MOB3B: variants seen among roughly 807,000 people sequenced by gnomAD.
MOB3B encodes the protein MOB kinase activator-like 2B.
MOB3B carries 7 observed loss-of-function variants against 18.7 expected under a neutral mutation model. That is an observed-to-expected ratio of 0.37 (90% CI 0.21 to 0.70). The LOEUF (loss-of-function observed/expected upper bound fraction) is 0.70. Ranked by LOEUF, MOB3B falls within the 30% of genes least tolerant of loss-of-function variation. The pLI is 0.52. For missense variants in MOB3B, 253 were observed against 281.3 expected (o/e 0.90, Z 0.72); for synonymous variants, 111 against 99.9 (o/e 1.11, Z -0.66).
intron 2 of MOB3B, among the ~76,000 whole-genome samples, chr9:27,381,881 A>G (rs982650751): frequency 6.6e-6 from 1 of 152,178 alleles, no homozygotes; most frequent in Non-Finnish European, 1.5e-5. Context: ...ACGGGGTTCA[A>G]GCAATCCTCC....
chr9:27,516,614 A>C (rs968002346), intron 1 of MOB3B, among the ~76,000 whole-genome samples: 1 of 152,186 alleles, frequency 6.6e-6, no homozygotes, highest in African/African-American at 2.4e-5. Context: ...ACAAACAAAC[A>C]AACAAAACGA....
chr9:27,387,946 C>T (rs1809469665), intron 2 of MOB3B, among the ~76,000 whole-genome samples: 1 of 151,788 alleles, frequency 6.6e-6, no homozygotes, highest in Non-Finnish European at 1.5e-5. Context: ...GATTTTGCCC[C>T]CCACAGGCAA....
intron 2 of MOB3B, among the ~76,000 whole-genome samples, chr9:27,412,214 C>T (rs1329023283): frequency 6.6e-6 from 1 of 150,856 alleles, no homozygotes; most frequent in Non-Finnish European, 1.5e-5. Context: ...AAGATAAAAT[C>T]AAGGAGAGGC....
chr9:27,410,841 T>G (rs1034040343), intron 2 of MOB3B, among the ~76,000 whole-genome samples: 3 of 152,210 alleles, frequency 2.0e-5, no homozygotes, highest in African/African-American at 7.2e-5. Flanking sequence ...GAATTATCTT[T>G]CTCTCTATAT....
intron 1 of MOB3B, among the ~76,000 whole-genome samples, chr9:27,486,386 A>G (rs1029515014): frequency 1.6e-4 from 24 of 152,232 alleles, no homozygotes; most frequent in African/African-American, 4.3e-4. Flanking sequence ...AGAAATCCAA[A>G]CAATTAATAG....
chr9:27,326,220 G>A lies in MOB3B; in HGVS notation c.*4367C>T, dbSNP rs959520325. The stretch of plus-strand genomic sequence containing the variant: ...TCACAGCCATAACAGAGAGTGATGT[G>A]GAGAGCTTTGGGAAGGTTTCACGTT... On this transcript the variant is annotated 3_prime_UTR_variant, in exon 4 of 4. Coordinates refer to ENST00000262244, the MANE Select transcript of MOB3B (RefSeq NM_024761.5). 2.7e-6 allele frequency: 1 copy of A among 369,774 alleles called. No individual in the cohort carries two copies. Among genetic ancestry groups the A allele is most frequent in the African/African-American group, 2.1e-5 (1 of 48,098 alleles). The allele number at this position is 369,774 out of a possible 1,614,324, so 22.9% of individuals were successfully genotyped here.
At position 27,385,290 on chromosome 9, in the gene MOB3B, G is replaced by T. The variant is rs201687518; in HGVS notation, c.419-26054C>A. Among the ~76,000 whole-genome samples the T allele has an allele frequency of 5.9e-5, 9 of 152,140 alleles. No individual in the cohort carries two copies. The East Asian group carries it at 1.7e-3, about 29-fold the overall frequency. Reference sequence around the variant, plus strand: ...ACAACAGTGATTCTTTTTTGCCAAGGCATATCAACCTGATCAACAATTTAT... The same window carrying T: ...ACAACAGTGATTCTTTTTTGCCAAGTCATATCAACCTGATCAACAATTTAT... On this transcript the variant is annotated intron_variant, in intron 2 of 3. Transcript: ENST00000262244.
At chr9:27,477,341 G>C (rs1377771878) in intron 1 of MOB3B, among the ~76,000 whole-genome samples, 1 of 152,194 alleles carries the variant, frequency 6.6e-6, no homozygotes, top group East Asian at 1.9e-4. Context: ...TGTGCTCAAA[G>C]GTCACTCCTC....
intron 2 of MOB3B, among the ~76,000 whole-genome samples, chr9:27,374,174 A>C (rs542735245): frequency 2.0e-4 from 30 of 151,798 alleles, no homozygotes; most frequent in Admixed American, 1.6e-3. Flanking sequence ...CAATTCATGA[A>C]TAATTCTTTG....
At chr9:27,440,420 T>C (rs527867600) in intron 2 of MOB3B, among the ~76,000 whole-genome samples, 2 of 152,170 alleles carry the variant, frequency 1.3e-5, no homozygotes, top group African/African-American at 2.4e-5. Context: ...ACTGTATTAC[T>C]TGGGTCTTGG....
At chr9:27,514,345 CAAAAAAA>C (rs34526085) in intron 1 of MOB3B, among the ~76,000 whole-genome samples, 1 of 77,638 alleles carries the variant, frequency 1.3e-5, no homozygotes, top group Non-Finnish European at 2.5e-5. Context: ...ACCACAAGCT[CAAAAAAA>C]AAAAAAAAAA....
At chr9:27,460,620 G>A (rs1478517278) in intron 1 of MOB3B, among the ~76,000 whole-genome samples, 1 of 152,160 alleles carries the variant, frequency 6.6e-6, no homozygotes, top group Non-Finnish European at 1.5e-5. Context: ...GGGTGAGGGG[G>A]TTAGGAAAGG....
At chr9:27,359,393 G>T (rs1821242077) in intron 2 of MOB3B, among the ~76,000 whole-genome samples, 157 bp from the exon 3 acceptor site, 1 of 147,560 alleles carries the variant, frequency 6.8e-6, no homozygotes, top group Non-Finnish European at 1.5e-5. Context: ...GGGGGGGGTT[G>T]GTAGCAAACT....
chr9:27,448,374 A>T (rs1007893427), intron 2 of MOB3B, among the ~76,000 whole-genome samples: 9 of 152,354 alleles, frequency 5.9e-5, no homozygotes, highest in African/African-American at 1.9e-4. Flanking sequence ...GTAACTTATA[A>T]AGAAAAAGAG....
chr9:27,329,929 G>C lies in MOB3B; in HGVS notation c.*658C>G, dbSNP rs1401559029. The C allele has an allele frequency of 6.6e-6, 1 of 152,328 alleles. No homozygotes were observed. Among genetic ancestry groups the C allele is most frequent in the Non-Finnish European group, 1.5e-5 (1 of 68,028 alleles). 9.4% of individuals were successfully genotyped at this position (152,328 alleles called of 1,614,324 possible). On this transcript the variant is annotated 3_prime_UTR_variant, in exon 4 of 4. Coordinates refer to ENST00000262244, the MANE Select transcript of MOB3B (RefSeq NM_024761.5). ...AAGACCCTGTTTGGGGCAGAGACAA[G>C]CCACCCCATGGAGTGTCCCTGATAA...
chr9:27,385,732 A>G (rs1173490486), intron 2 of MOB3B, among the ~76,000 whole-genome samples: 1 of 152,250 alleles, frequency 6.6e-6, no homozygotes, highest in African/African-American at 2.4e-5. Context: ...ATTCTGGCAG[A>G]GAAAACACAC....
intron 1 of MOB3B, among the ~76,000 whole-genome samples, chr9:27,491,829 C>T (rs1819824610): frequency 6.6e-6 from 1 of 152,150 alleles, no homozygotes; most frequent in Admixed American, 6.5e-5. Flanking sequence ...GCCGAGATCG[C>T]ACCACTGCAC....
intron 2 of MOB3B, among the ~76,000 whole-genome samples, chr9:27,410,701 C>T (rs1049748857): frequency 1.3e-5 from 2 of 152,142 alleles, no homozygotes; most frequent in African/African-American, 2.4e-5. Flanking sequence ...CACATATCCC[C>T]AGAATGGTCA....
At chr9:27,343,566 A>C (rs1279353791) in intron 3 of MOB3B, among the ~76,000 whole-genome samples, 6 of 151,336 alleles carry the variant, frequency 4.0e-5, no homozygotes, top group Non-Finnish European at 8.8e-5. Context: ...TTATTCTCAG[A>C]CTCCCAGTGA....
Sources: allele counts gnomAD v4.1 joint callset (sites outside exome capture counted in the v4.1 genomes callset), GRCh38; gene constraint gnomAD v4.1.1; transcripts MANE v1.5; gene names NCBI Gene and HGNC (gene_info 2026-07-23, HGNC 2026-07-21).